The following CEP126 variants were observed in gnomAD, a reference collection of about 807,000 sequenced individuals.
CEP126 encodes the protein centrosomal protein 126.
CEP126 carries 74 observed loss-of-function variants against 107.8 expected under a neutral mutation model. The ratio of observed to expected loss-of-function variants is 0.69; its 90% CI spans 0.57 to 0.83. CEP126 has a LOEUF of 0.83. Among genes scored for constraint, CEP126 ranks in the 40% least tolerant of loss-of-function variants. The pLI is 0.00. For synonymous variants in CEP126, 449 were observed against 446.0 expected, an observed-to-expected ratio of 1.01 and a Z score of -0.08; for missense variants, 1,237 against 1,281.9, an observed-to-expected ratio of 0.96 and a Z score of 0.53.
intron 4 of CEP126, among the ~76,000 whole-genome samples, chr11:101,957,705 A>C (rs775337322): frequency 2.6e-5 from 4 of 152,158 alleles, no homozygotes; most frequent in Non-Finnish European, 5.9e-5. Flanking sequence ...AGCAATTTTT[A>C]TATTTTCTAT....
intron 2 of CEP126, among the ~76,000 whole-genome samples, chr11:101,939,796 T>C (rs1242241084): frequency 6.6e-6 from 1 of 152,214 alleles, no homozygotes; most frequent in Non-Finnish European, 1.5e-5. Flanking sequence ...GCTTATAAAC[T>C]CATTATTTAA....
intron 9 of CEP126, among the ~76,000 whole-genome samples, chr11:101,990,659 G>A (rs769970020): frequency 1.3e-4 from 20 of 152,124 alleles, no homozygotes; most frequent in South Asian, 4.2e-4. Flanking sequence ...AAAAATTACC[G>A]TACTTCCCCA....
intron 6 of CEP126, among the ~76,000 whole-genome samples, 181 bp downstream of exon 6, chr11:101,964,061 T>G (rs996655316): frequency 2.0e-5 from 3 of 152,106 alleles, no homozygotes; most frequent in East Asian, 1.9e-4. Flanking sequence ...ATCCCAGCAC[T>G]TTGGGAGGCC....
intron 4 of CEP126, among the ~76,000 whole-genome samples, chr11:101,957,381 T>TC (rs961171509): frequency 1.3e-5 from 2 of 152,118 alleles, no homozygotes; most frequent in Admixed American, 1.3e-4. Context: ...CATCCTATCC[T>TC]CCCCCAAAAC....
rs573190619 is a variant in CEP126, at chr11:101,962,417, C to T, written c.1382C>T (p.Thr461Met). 21 of 1,613,654 alleles carry T rather than the reference C, an allele frequency of 1.3e-5. No individual in the cohort carries two copies. The highest frequency in any genetic ancestry group is 4.5e-5 in the East Asian group (2 of 44,882). Reference sequence around the variant, plus strand: ...CCTACTTCATGTGTACCAGTGGCAACGCCTTTAGTTTTGCCATCTAATATA... The same window carrying T: ...CCTACTTCATGTGTACCAGTGGCAATGCCTTTAGTTTTGCCATCTAATATA... ...SIPTSCVPVA[T>M]PLVLPSNIQS... is the part of the protein sequence containing the mutation. Residue 461 changes from threonine (T) to methionine (M), a missense_variant, in exon 6 of 11, where the codon ACG (threonine) becomes ATG (methionine). Physicochemically the swap from Thr to Met is moderately conservative, Grantham distance 81. Around this residue, in one of 3 missense-constraint regions of CEP126, gnomAD observed 1,134 missense variants for 1,150.5 expected, o/e 0.99. Coordinates refer to ENST00000263468, the MANE Select transcript of CEP126 (RefSeq NM_020802.4).
chr11:101,949,363 C>G (rs1161311020), intron 4 of CEP126, among the ~76,000 whole-genome samples: 2 of 152,050 alleles, frequency 1.3e-5, no homozygotes, highest in African/African-American at 4.8e-5. Flanking sequence ...CCATTGTGAA[C>G]AATTGTGGAT....
At chr11:101,988,195 A>G (rs1941336582) in intron 9 of CEP126, among the ~76,000 whole-genome samples, 1 of 152,220 alleles carries the variant, frequency 6.6e-6, no homozygotes, top group Non-Finnish European at 1.5e-5. Flanking sequence ...ATAAGAAACT[A>G]TAAAGAAAGA....
chr11:101,924,273 G>A (rs970318359), intron 2 of CEP126, among the ~76,000 whole-genome samples: 11 of 152,028 alleles, frequency 7.2e-5, no homozygotes, highest in Non-Finnish European at 8.8e-5. Flanking sequence ...CTTTTATAAG[G>A]GGGCTGAATT....
At chr11:101,955,715 C>T (rs1417516635) in intron 4 of CEP126, 3 of 363,364 alleles carry the variant, frequency 8.3e-6, no homozygotes, top group Admixed American at 3.7e-5. Flanking sequence ...CTAGAGGCAG[C>T]CCAATAAACC....
At chr11:101,942,220 G>A (rs1056598653) in intron 2 of CEP126, among the ~76,000 whole-genome samples, 1 of 152,054 alleles carries the variant, frequency 6.6e-6, no homozygotes, top group South Asian at 2.1e-4. Context: ...ATGTCATGAA[G>A]CTTTTTCTGT....
chr11:101,947,328 G>C (rs1420858650), intron 3 of CEP126, among the ~76,000 whole-genome samples: 2 of 152,160 alleles, frequency 1.3e-5, no homozygotes, highest in Non-Finnish European at 2.9e-5. Context: ...TATAGTATAT[G>C]ATGGGAGGAA....
At chr11:101,934,387 A>G (rs1474769527) in intron 2 of CEP126, among the ~76,000 whole-genome samples, 4 of 151,914 alleles carry the variant, frequency 2.6e-5, no homozygotes, top group African/African-American at 7.2e-5. Context: ...CAAAATCTCA[A>G]TTTCAGTCAT....
intron 2 of CEP126, among the ~76,000 whole-genome samples, chr11:101,936,412 C>T (rs1940579465): frequency 6.6e-6 from 1 of 150,540 alleles, no homozygotes; most frequent in Non-Finnish European, 1.5e-5. Context: ...CTATATTGAC[C>T]TTGTATTCTA....
chr11:101,954,161 G>A (rs923722961), intron 4 of CEP126, among the ~76,000 whole-genome samples: 6 of 152,006 alleles, frequency 3.9e-5, no homozygotes, highest in African/African-American at 1.5e-4. Context: ...CCAAGTAGCT[G>A]GGATTACAGG....
At chr11:101,986,550 T>C (rs1591295017) in intron 8 of CEP126, among the ~76,000 whole-genome samples, 1 of 152,336 alleles carries the variant, frequency 6.6e-6, no homozygotes, top group African/African-American at 2.4e-5. Context: ...AAAAACTATC[T>C]GCATTATATA....
chr11:101,968,625 G>A (rs1014433667), intron 6 of CEP126, among the ~76,000 whole-genome samples: 3 of 152,166 alleles, frequency 2.0e-5, no homozygotes, highest in African/African-American at 7.2e-5. Flanking sequence ...TAAACTATAT[G>A]AGCCCATATC....
intron 2 of CEP126, among the ~76,000 whole-genome samples, chr11:101,930,300 C>T (rs1408327601): frequency 6.6e-6 from 1 of 152,208 alleles, no homozygotes; most frequent in Non-Finnish European, 1.5e-5. Context: ...CACATCCTCT[C>T]ATATGCTCTG....
At chr11:101,958,579 G>T (rs1278752169) in intron 5 of CEP126, among the ~76,000 whole-genome samples, 1 of 152,068 alleles carries the variant, frequency 6.6e-6, no homozygotes, top group Non-Finnish European at 1.5e-5. Flanking sequence ...ATGTATTATT[G>T]TTAGAGATTG....
intron 8 of CEP126, among the ~76,000 whole-genome samples, chr11:101,985,613 C>T (rs1941307940): frequency 6.6e-6 from 1 of 152,002 alleles, no homozygotes; most frequent in African/African-American, 2.4e-5. Context: ...GGTCTCATCA[C>T]CAACATATCT....
Sources: allele counts gnomAD v4.1 joint callset (sites outside exome capture counted in the v4.1 genomes callset), GRCh38; gene constraint gnomAD v4.1.1; regional missense constraint gnomAD v4.1.1; transcripts MANE v1.5; gene names NCBI Gene and HGNC (gene_info 2026-07-23, HGNC 2026-07-21).